The following EPN2 variants were observed in gnomAD, a reference collection of about 807,000 sequenced individuals.
EPN2 encodes epsin-2.
Under a neutral mutation model 61.7 loss-of-function variants are expected in EPN2, and 34 were observed. The ratio of observed to expected loss-of-function variants is 0.55; its 90% confidence interval spans 0.42 to 0.73. EPN2 has a LOEUF of 0.73. Among genes scored for constraint, EPN2 ranks in the 30% least tolerant of loss-of-function variants. The pLI is 0.00. For synonymous variants in EPN2, 349 were observed against 353.6 expected, an observed-to-expected ratio of 0.99 and a Z score of 0.15; for missense variants, 714 against 839.2, an observed-to-expected ratio of 0.85 and a Z score of 1.84.
intron 1 of EPN2, among the ~76,000 whole-genome samples, chr17:19,242,073 G>C (rs2044890148): frequency 6.7e-6 from 1 of 149,074 alleles, no homozygotes; most frequent in South Asian, 2.1e-4. Flanking sequence ...ACTGTGGTTT[G>C]AATGTCAATA....
chr17:19,276,360 A>ATTTTTTTTTTTTTTTTTTTTT (rs140536354), intron 1 of EPN2: 4 of 79,920 alleles, frequency 5.0e-5, no homozygotes, highest in African/African-American at 1.6e-4. Context: ...GCTAATTAAA[A>ATTTTTTTTTTTTTTTTTTTTT]TTTTTTTTTT....
At chr17:19,326,868 C>T (rs560387655) in intron 7 of EPN2, among the ~76,000 whole-genome samples, 3 of 151,958 alleles carry the variant, frequency 2.0e-5, no homozygotes, top group South Asian at 2.1e-4. Flanking sequence ...AAGGGACGAT[C>T]GGTAAAAGAC....
At chr17:19,245,138 A>C (rs2044930899) in intron 1 of EPN2, among the ~76,000 whole-genome samples, 1 of 152,112 alleles carries the variant, frequency 6.6e-6, no homozygotes, top group East Asian at 1.9e-4. Flanking sequence ...ATAACAGCTT[A>C]CCTCTCTGTC....
At chr17:19,284,815 C>T (rs572861656) in intron 3 of EPN2, among the ~76,000 whole-genome samples, 14 of 152,342 alleles carry the variant, frequency 9.2e-5, no homozygotes, top group East Asian at 5.8e-4. Context: ...ATATTAAAGT[C>T]AGATTTCCTG....
Position 19,334,263 on chromosome 17 carries a change from C to T in EPN2, c.*9C>T, listed in dbSNP as rs1186934411. 7.0e-7 allele frequency: 1 copy of T among 1,436,090 alleles called. No individual in the cohort carries two copies. Among genetic ancestry groups the T allele is most frequent in the South Asian group, 1.6e-5 (1 of 62,954 alleles). The allele number at this position is 1,436,090 out of a possible 1,614,324, so 89.0% of individuals were successfully genotyped here. Reference sequence around the variant, plus strand: ...ACCCTTTCCTTCTCTAGTGCCTGGGCCTGGGACCCACCCAGAGCACCTGTG... The same window carrying T: ...ACCCTTTCCTTCTCTAGTGCCTGGGTCTGGGACCCACCCAGAGCACCTGTG... On this transcript the variant is annotated 3_prime_UTR_variant, in exon 11 of 11. Coordinates refer to ENST00000314728, the MANE Select transcript of EPN2 (RefSeq NM_014964.5). This position sits in a 1 kb window ranked among gnomAD's most constrained non-coding sequence, Gnocchi z 4.9.
At chr17:19,274,627 G>A (rs2045288333) in intron 1 of EPN2, among the ~76,000 whole-genome samples, 1 of 152,142 alleles carries the variant, frequency 6.6e-6, no homozygotes, top group Non-Finnish European at 1.5e-5. Context: ...GCTGAAAGGT[G>A]AACATCCTCC....
At chr17:19,295,356 AC>A (rs2045505687) in intron 4 of EPN2, among the ~76,000 whole-genome samples, 2 of 66,470 alleles carry the variant, frequency 3.0e-5, no homozygotes, top group African/African-American at 7.1e-5. Context: ...ACACACACAC[AC>A]ACACACACAC....
intron 4 of EPN2, among the ~76,000 whole-genome samples, chr17:19,293,494 C>A (rs904981894): frequency 6.6e-6 from 1 of 150,960 alleles, no homozygotes; most frequent in Non-Finnish European, 1.5e-5. Flanking sequence ...CCTTAACCTC[C>A]TGGGTTGCTG....
intron 4 of EPN2, among the ~76,000 whole-genome samples, chr17:19,304,879 G>T (rs1335735549): frequency 6.6e-6 from 1 of 152,126 alleles, no homozygotes; most frequent in Non-Finnish European, 1.5e-5. Flanking sequence ...GCCCACATGG[G>T]GTCTTCTCAC....
chr17:19,285,494 A>G lies in EPN2; in HGVS notation c.596-126A>G. ...AGAATGTGGTCAGTGGGCTTTTCAC[A>G]GCTTCCACCGCAGTGGGCTGCGGGG... is the stretch of plus-strand genomic sequence containing the variant. On this transcript the variant is annotated intron_variant, in intron 3 of 10. Transcript: ENST00000314728. This position sits in a 1 kb window ranked among gnomAD's most constrained non-coding sequence, Gnocchi z 4.5. 1 of 1,329,218 alleles carries G rather than the reference A, an allele frequency of 7.5e-7. No homozygotes were observed. Among genetic ancestry groups the G allele is most frequent in the Non-Finnish European group, 9.6e-7 (1 of 1,037,774 alleles). 82.3% of individuals were successfully genotyped at this position (1,329,218 alleles called of 1,614,324 possible).
chr17:19,280,250 G>A (rs1393793252), intron 1 of EPN2, among the ~76,000 whole-genome samples: 2 of 152,160 alleles, frequency 1.3e-5, no homozygotes, highest in African/African-American at 4.8e-5. Flanking sequence ...GGTGGTCCCT[G>A]GCACATTGTA....
At chr17:19,301,149 C>G (rs1905491854) in intron 4 of EPN2, among the ~76,000 whole-genome samples, 1 of 152,116 alleles carries the variant, frequency 6.6e-6, no homozygotes, top group Non-Finnish European at 1.5e-5. Flanking sequence ...ACTTGGCTAG[C>G]TGCTGTGTCA....
At chr17:19,317,845 AG>A (rs1906460873) in intron 7 of EPN2, among the ~76,000 whole-genome samples, 1 of 152,158 alleles carries the variant, frequency 6.6e-6, no homozygotes, top group African/African-American at 2.4e-5. Context: ...CCGAGCCAGC[AG>A]GCGTTCCCTG....
chr17:19,276,021 CAT>C (rs1000880035), intron 1 of EPN2, among the ~76,000 whole-genome samples: 6 of 152,314 alleles, frequency 3.9e-5, no homozygotes, highest in East Asian at 1.9e-4. Flanking sequence ...TGTTATCTAA[CAT>C]GTGTCAGCAC....
chr17:19,326,852 A>G (rs577395149), intron 7 of EPN2, among the ~76,000 whole-genome samples: 1 of 152,288 alleles, frequency 6.6e-6, no homozygotes, highest in African/African-American at 2.4e-5. Context: ...AGAAGAAGGT[A>G]ACCATAAGGG....
chr17:19,244,635 T>C (rs2044925385), intron 1 of EPN2, among the ~76,000 whole-genome samples: 1 of 152,162 alleles, frequency 6.6e-6, no homozygotes, highest in Admixed American at 6.5e-5. Flanking sequence ...GAATTTTTTT[T>C]CTTCAGTGGT....
At chr17:19,237,931 G>C (rs1273196616) in intron 1 of EPN2, among the ~76,000 whole-genome samples, 1 of 152,114 alleles carries the variant, frequency 6.6e-6, no homozygotes, top group Non-Finnish European at 1.5e-5. Flanking sequence ...TCCTCTCCCC[G>C]AGCCCGGCGC....
intron 1 of EPN2, among the ~76,000 whole-genome samples, chr17:19,262,481 C>A (rs891842268): frequency 6.6e-6 from 1 of 152,180 alleles, no homozygotes; most frequent in African/African-American, 2.4e-5. Flanking sequence ...AACTCCATCT[C>A]AAAAACAAAA....
At chr17:19,319,956 G>A (rs546819346) in intron 7 of EPN2, among the ~76,000 whole-genome samples, 8 of 152,296 alleles carry the variant, frequency 5.3e-5, no homozygotes, top group South Asian at 4.1e-4. Flanking sequence ...CATGCCCAGC[G>A]ACAGATTATA....
Sources: gnomAD v4.1 joint callset for allele counts (sites outside exome capture counted in the v4.1 genomes callset) on GRCh38, gnomAD v4.1.1 for gene constraint, Gnocchi (gnomAD v3.1) non-coding constraint, MANE v1.5 for transcripts, NCBI Gene and HGNC (gene_info 2026-07-23, HGNC 2026-07-21) for gene names.